CWF19L2: variants seen among roughly 807,000 people sequenced by gnomAD.
CWF19L2 encodes CWF19 like cell cycle control factor 2.
A neutral mutation model predicts 111.7 loss-of-function variants in CWF19L2; 98 were observed. The ratio of observed to expected loss-of-function variants is 0.88; its 90% CI spans 0.75 to 1.04. The LOEUF (loss-of-function observed/expected upper bound fraction) is 1.04, where lower values mean the gene tolerates loss of function less well. Among genes scored for constraint, CWF19L2 ranks in the 50% least tolerant of loss-of-function variants. The probability of loss-of-function intolerance (pLI) is 0.00; values close to 1 mark genes in which losing one functional copy is unlikely to be tolerated. For missense variants in CWF19L2, 1,101 were observed against 1,051.4 expected (o/e 1.05, Z -0.65); for synonymous variants, 351 against 342.9 (o/e 1.02, Z -0.26).
In CWF19L2 at chr11:107,429,032, A is replaced by T; in HGVS notation, c.1200T>A (p.Ser400=). The T allele has an allele frequency of 6.2e-7, 1 of 1,613,782 alleles. No homozygotes were observed. The highest frequency in any genetic ancestry group is 8.5e-7 in the Non-Finnish European group (1 of 1,179,802). ...TGGGTTTTCTAAAACCACTACACAA[A>T]GAGCCCTGAGCTACCAATGCTGAAG... ...SSSSALVAQG[S]LCSGFRKPTK... Residue 400 remains serine (S), a synonymous_variant, in exon 8 of 18, where the codon TCT becomes TCA. Coordinates refer to ENST00000282251, the MANE Select transcript of CWF19L2 (RefSeq NM_152434.3).
chr11:107,372,016 G>A (rs1257879808), intron 12 of CWF19L2, among the ~76,000 whole-genome samples: 2 of 136,400 alleles, frequency 1.5e-5, no homozygotes, highest in Non-Finnish European at 3.1e-5. Context: ...AATTTTGTAG[G>A]CAATTTTGTA....
intron 3 of CWF19L2, among the ~76,000 whole-genome samples, chr11:107,448,503 T>C (rs1268886165): frequency 6.7e-6 from 1 of 150,242 alleles, no homozygotes; most frequent in Non-Finnish European, 1.5e-5. Context: ...ACTACCAAAA[T>C]GAGAGGGAAC....
intron 10 of CWF19L2, among the ~76,000 whole-genome samples, chr11:107,406,230 G>A (rs950493410): frequency 2.0e-5 from 3 of 152,198 alleles, no homozygotes; most frequent in Non-Finnish European, 4.4e-5. Flanking sequence ...TACTAAATCA[G>A]ATTTTCCTAT....
At chr11:107,428,370 C>T (rs1024063065) in intron 8 of CWF19L2, among the ~76,000 whole-genome samples, 2 of 151,984 alleles carry the variant, frequency 1.3e-5, no homozygotes, top group African/African-American at 4.8e-5. Flanking sequence ...ATATTTGGGC[C>T]GTGGCAGCGT....
intron 10 of CWF19L2, among the ~76,000 whole-genome samples, chr11:107,399,847 A>G (rs1470776435): frequency 2.0e-5 from 3 of 152,210 alleles, no homozygotes; most frequent in African/African-American, 7.2e-5. Context: ...ATTTAAGAAA[A>G]TTGAAACTAT....
chr11:107,328,980 T>C (rs1050428655), intron 17 of CWF19L2, among the ~76,000 whole-genome samples: 2 of 152,228 alleles, frequency 1.3e-5, no homozygotes, highest in Non-Finnish European at 2.9e-5. Context: ...CCTCTGGAGT[T>C]GAGATTCCTC....
intron 12 of CWF19L2, among the ~76,000 whole-genome samples, chr11:107,363,429 C>A (rs1038493329): frequency 6.6e-6 from 1 of 151,962 alleles, no homozygotes; most frequent in East Asian, 1.9e-4. Flanking sequence ...AGAGAAAGGT[C>A]GGGTTACCCT....
rs866083018 is a variant in CWF19L2 at position 107,453,817 on chromosome 11, G to C, written c.339+633C>G. Among the ~76,000 whole-genome samples the C allele has an allele frequency of 4.6e-5, 7 of 151,968 alleles. 1 individual carries two copies. The highest frequency in any genetic ancestry group is 4.2e-4 in the South Asian group (2 of 4,806). On this transcript the variant is annotated intron_variant, in intron 3 of 17. Coordinates refer to ENST00000282251, the MANE Select transcript of CWF19L2 (RefSeq NM_152434.3). ...CCACTGCCCTGAAGGGTGAGTCCCA[G>C]GCCGGGCAGCTGACTGAAGAGTTCT...
At chr11:107,418,334 G>T in intron 8 of CWF19L2, 47 bp from the exon 9 acceptor site, 1 of 1,200,748 alleles carries the variant, frequency 8.3e-7, no homozygotes, top group Non-Finnish European at 1.2e-6. Context: ...TAGGTGCGAT[G>T]CAAGCAATAA....
Position 107,328,138 on chromosome 11 carries a change from C to CA in CWF19L2, c.2542-1086dup, listed in dbSNP as rs10578324. Among the ~76,000 whole-genome samples, 756 of 118,390 alleles carry CA rather than the reference C, an allele frequency of 6.4e-3. 5 individuals carry two copies. Among genetic ancestry groups the CA allele is most frequent in the Middle Eastern group, 0.023 (5 of 220 alleles). The allele number at this position is 118,390 out of a possible 152,430, so 77.7% of individuals were successfully genotyped here. ...TCAAAGCAGACCATTTGTGGAGACTCAAAAAAAAAAAAAAAAAAACAATCT... is the reference window on the plus strand; with the variant it reads ...TCAAAGCAGACCATTTGTGGAGACTCAAAAAAAAAAAAAAAAAAAACAATCT... On this transcript the variant is annotated intron_variant, in intron 17 of 17. Transcript: ENST00000282251.
At chr11:107,452,705 T>C (rs977088440) in intron 3 of CWF19L2, among the ~76,000 whole-genome samples, 1 of 151,560 alleles carries the variant, frequency 6.6e-6, no homozygotes, top group Non-Finnish European at 1.5e-5. Flanking sequence ...GGAAAAAAAA[T>C]AGGAGGCCAA....
chr11:107,453,798 C>T (rs1005144889), intron 3 of CWF19L2, among the ~76,000 whole-genome samples: 1 of 151,908 alleles, frequency 6.6e-6, no homozygotes, highest in African/African-American at 2.4e-5. Flanking sequence ...GTGCCCACTG[C>T]CCTGAAGGGT....
chr11:107,412,252 C>T (rs1013693684), intron 10 of CWF19L2, among the ~76,000 whole-genome samples: 1 of 152,170 alleles, frequency 6.6e-6, no homozygotes, highest in African/African-American at 2.4e-5. Flanking sequence ...ATAGAGAATA[C>T]TTTAAGAATC....
chr11:107,405,504 T>C (rs559673484), intron 10 of CWF19L2, among the ~76,000 whole-genome samples: 1 of 152,294 alleles, frequency 6.6e-6, no homozygotes, highest in East Asian at 1.9e-4. Flanking sequence ...CTGGTACTCT[T>C]ATTTTGTTAA....
intron 3 of CWF19L2, among the ~76,000 whole-genome samples, chr11:107,451,304 C>T (rs375529648): frequency 2.0e-5 from 3 of 151,850 alleles, no homozygotes; most frequent in Non-Finnish European, 2.9e-5. Context: ...ATCAAAGTTA[C>T]GTAGAGATAC....
At chr11:107,422,105 C>T (rs1861310217) in intron 8 of CWF19L2, among the ~76,000 whole-genome samples, 1 of 151,966 alleles carries the variant, frequency 6.6e-6, no homozygotes, top group African/African-American at 2.4e-5. Context: ...AGAAGACAGA[C>T]CAAAAAGAGT....
chr11:107,337,931 TC>T (rs934164432), intron 14 of CWF19L2, among the ~76,000 whole-genome samples: 2 of 139,246 alleles, frequency 1.4e-5, no homozygotes, highest in Non-Finnish European at 3.3e-5. Flanking sequence ...TTACTCAGTT[TC>T]CCCAAGGTAA....
chr11:107,371,911 A>G (rs953429304), intron 12 of CWF19L2, among the ~76,000 whole-genome samples: 3 of 137,962 alleles, frequency 2.2e-5, no homozygotes, highest in African/African-American at 8.7e-5. Context: ...CCAAGACATC[A>G]TTTTATTCAT....
At chr11:107,336,457 G>T in intron 15 of CWF19L2, 101 bp downstream of exon 15, 1 of 935,444 alleles carries the variant, frequency 1.1e-6, no homozygotes, top group Non-Finnish European at 1.6e-6. Flanking sequence ...AAATTTTGAT[G>T]TAAGTATATA....
Sources: allele counts gnomAD v4.1 joint callset (sites outside exome capture counted in the v4.1 genomes callset), GRCh38; gene constraint gnomAD v4.1.1; transcripts MANE v1.5; gene names NCBI Gene and HGNC (gene_info 2026-07-23, HGNC 2026-07-21).